ZBTB20: variants seen among roughly 807,000 people sequenced by gnomAD.
ZBTB20 encodes the protein zinc finger and BTB domain-containing protein 20.
A neutral mutation model predicts 56.9 loss-of-function variants in ZBTB20; 9 were observed. The observed-to-expected ratio is 0.16, with a 90% CI of 0.10 to 0.28. The LOEUF is 0.28. Among genes scored for constraint, ZBTB20 ranks in the 10% least tolerant of loss-of-function variants. ZBTB20 has a pLI of 1.00. For synonymous variants in ZBTB20, 417 were observed against 420.7 expected (o/e 0.99, Z 0.11); for missense variants, 655 against 1,003.0 (o/e 0.65, Z 4.69).
intron 6 of ZBTB20, among the ~76,000 whole-genome samples, chr3:114,552,691 C>T (rs974450756): frequency 3.3e-5 from 5 of 152,150 alleles, no homozygotes; most frequent in Admixed American, 2.0e-4. Flanking sequence ...TGGCCACTGG[C>T]TGCTATACCA....
intron 1 of ZBTB20, among the ~76,000 whole-genome samples, chr3:115,073,430 T>G (rs1576712701): frequency 6.6e-6 from 1 of 152,146 alleles, no homozygotes; most frequent in African/African-American, 2.4e-5. Context: ...TATTTCTTAT[T>G]CCCGACTCCT....
At chr3:114,650,714 T>C (rs1254107332) in intron 6 of ZBTB20, among the ~76,000 whole-genome samples, 1 of 151,998 alleles carries the variant, frequency 6.6e-6, no homozygotes, top group East Asian at 1.9e-4. Flanking sequence ...ATTTCCTGAA[T>C]ATCTTAAAGC....
intron 6 of ZBTB20, among the ~76,000 whole-genome samples, chr3:114,689,564 A>G (rs1391951224): frequency 6.6e-6 from 1 of 152,176 alleles, no homozygotes; most frequent in African/African-American, 2.4e-5. Flanking sequence ...AAAGAGGCCA[A>G]GCATAAGGAA....
intron 2 of ZBTB20, among the ~76,000 whole-genome samples, chr3:114,993,754 A>C (rs946430444): frequency 1.3e-5 from 2 of 151,902 alleles, no homozygotes; most frequent in African/African-American, 4.8e-5. Flanking sequence ...GGATGCAGCT[A>C]AAGTGGTTCT....
intron 1 of ZBTB20, among the ~76,000 whole-genome samples, chr3:115,132,313 G>GA (rs1357332328): frequency 1.3e-5 from 2 of 151,876 alleles, no homozygotes; most frequent in Non-Finnish European, 2.9e-5. Flanking sequence ...TTCCCATTGG[G>GA]AAAAAAAGTC....
intron 5 of ZBTB20, among the ~76,000 whole-genome samples, chr3:114,703,305 G>A (rs1030936226): frequency 3.3e-5 from 5 of 152,122 alleles, no homozygotes; most frequent in African/African-American, 1.2e-4. Flanking sequence ...AAAAGCAATG[G>A]TAGACTAATG....
intron 6 of ZBTB20, among the ~76,000 whole-genome samples, chr3:114,585,563 G>A (rs1022460024): frequency 2.6e-5 from 4 of 152,132 alleles, no homozygotes; most frequent in Admixed American, 6.5e-5. Context: ...CTTTGAAACC[G>A]TCTAATGTAT....
Position 114,350,487 on chromosome 3 carries a change from G to A in ZBTB20, c.1591C>T (p.Pro531Ser). Residue 531 changes from proline (P) to serine (S), a missense_variant, in exon 11 of 12, where the codon CCC (proline) becomes TCC (serine). By Grantham distance (74) the Pro-to-Ser change is moderately conservative. Around this residue, in one of 10 missense-constraint regions of ZBTB20, gnomAD observed 71 missense variants for 89.4 expected, o/e 0.79. Transcript: ENST00000675478. ...PKPFLFSLPQ[P>S]LAGQQTQFVT... is the part of the protein sequence containing the mutation. ...AACTGGGTCTGCTGGCCTGCCAGGG[G>A]CTGTGGCAGGCTGAAGAGGAAAGGC... 1 of 1,614,156 alleles carries A rather than the reference G, an allele frequency of 6.2e-7. No individual in the cohort carries two copies. The highest frequency in any genetic ancestry group is 8.5e-7 in the Non-Finnish European group (1 of 1,180,026).
chr3:115,043,385 C>T (rs1051455390), intron 2 of ZBTB20, among the ~76,000 whole-genome samples: 3 of 150,826 alleles, frequency 2.0e-5, no homozygotes, highest in Admixed American at 1.3e-4. Context: ...ATGGTGAAAC[C>T]CCATCTCTAC....
intron 5 of ZBTB20, among the ~76,000 whole-genome samples, chr3:114,793,722 A>G (rs2071143849): frequency 6.6e-6 from 1 of 152,132 alleles, no homozygotes; most frequent in South Asian, 2.1e-4. Context: ...TGGGTAGAAT[A>G]ATAGGAAGAA....
intron 4 of ZBTB20, among the ~76,000 whole-genome samples, chr3:114,843,809 T>C (rs1029386368): frequency 1.6e-4 from 24 of 151,750 alleles, no homozygotes; most frequent in African/African-American, 5.1e-4. Context: ...CCTGAGTATC[T>C]GGGACTACAG....
intron 3 of ZBTB20, among the ~76,000 whole-genome samples, chr3:114,923,404 C>T (rs35077323): frequency 0.26 from 40,044 of 151,934 alleles, 5,518 homozygotes; most frequent in Middle Eastern, 0.34. Flanking sequence ...ATTGAGAGCC[C>T]AGAAATAAAT....
chr3:114,410,077 G>C (rs2087779467), intron 7 of ZBTB20, among the ~76,000 whole-genome samples: 1 of 152,122 alleles, frequency 6.6e-6, no homozygotes, highest in South Asian at 2.1e-4. Flanking sequence ...GCAACTCAGA[G>C]AGAGACCCAA....
At chr3:114,691,950 C>G (rs1175869041) in intron 6 of ZBTB20, among the ~76,000 whole-genome samples, 1 of 152,002 alleles carries the variant, frequency 6.6e-6, no homozygotes, top group African/African-American at 2.4e-5. Context: ...TTTACTGAAA[C>G]AGAGAAACTG....
intron 2 of ZBTB20, among the ~76,000 whole-genome samples, chr3:115,063,925 T>C (rs1003181720): frequency 1.3e-5 from 2 of 152,202 alleles, no homozygotes; most frequent in Non-Finnish European, 2.9e-5. Context: ...ATCCTTCCAG[T>C]AATCAGTGAA....
chr3:114,444,833 A>G (rs535590977), intron 7 of ZBTB20, among the ~76,000 whole-genome samples: 25 of 152,210 alleles, frequency 1.6e-4, no homozygotes, highest in African/African-American at 5.8e-4. Context: ...AGTCCAGATA[A>G]TTTTGTAGAG....
chr3:115,045,694 A>C (rs1212387483), intron 2 of ZBTB20, among the ~76,000 whole-genome samples: 4 of 152,186 alleles, frequency 2.6e-5, no homozygotes, highest in Non-Finnish European at 5.9e-5. Context: ...AGAGAAAGAG[A>C]ATATAAATAA....
chr3:114,543,344 T>C (rs1275313122), intron 6 of ZBTB20, among the ~76,000 whole-genome samples: 1 of 152,192 alleles, frequency 6.6e-6, no homozygotes, highest in Non-Finnish European at 1.5e-5. Context: ...GAGGGCTAAC[T>C]GTATAACCAA....
chr3:114,563,736 A>G (rs1338059547), intron 6 of ZBTB20, among the ~76,000 whole-genome samples: 1 of 152,218 alleles, frequency 6.6e-6, no homozygotes, highest in South Asian at 2.1e-4. Flanking sequence ...TTTAAAATTC[A>G]TATCATAGCA....
Sources: gnomAD v4.1 joint callset for allele counts (sites outside exome capture counted in the v4.1 genomes callset) on GRCh38, gnomAD v4.1.1 for gene constraint, gnomAD v4.1.1 regional missense constraint, MANE v1.5 for transcripts, NCBI Gene and HGNC (gene_info 2026-07-23, HGNC 2026-07-21) for gene names.